Variants in XYLB observed in about 807,000 individuals in gnomAD.
XYLB encodes the protein xylulose kinase.
XYLB carries 62 observed loss-of-function variants against 78.7 expected under a neutral mutation model. That is an observed-to-expected ratio of 0.79 (90% CI 0.64 to 0.97). XYLB has a LOEUF of 0.97. XYLB is among the 50% of genes least tolerant of loss of function. The pLI is 0.00. For synonymous variants in XYLB, 245 were observed against 247.4 expected (o/e 0.99, Z 0.09); for missense variants, 687 against 676.8 (o/e 1.02, Z -0.17).
Position 38,395,550 on chromosome 3 carries a change from G to A in XYLB, c.1337G>A (p.Arg446Lys), listed in dbSNP as rs190635272. Residue 446 changes from arginine to lysine, a missense_variant, in exon 16 of 19, where the codon AGA becomes AAA. Transcript: ENST00000207870. ...GCCACAGGAGGAGCATCTCACAATAGAGAAATCTTACAGGTAAGCGTTAGT... is the reference window on the plus strand; with the variant it reads ...GCCACAGGAGGAGCATCTCACAATAAAGAAATCTTACAGGTAAGCGTTAGT... ...ILATGGASHN[R>K]EILQVLADVF... The A allele has an allele frequency of 9.3e-6, 15 of 1,614,084 alleles. No homozygotes were observed. The highest frequency in any genetic ancestry group is 1.3e-5 in the African/African-American group (1 of 74,928).
In XYLB at chr3:38,368,820, AAGGGGTGAACACC is replaced by A. The variant is rs1706393871; in HGVS notation, c.646+567_646+579del. On this transcript the variant is annotated intron_variant, in intron 8 of 18. Coordinates refer to ENST00000207870, the MANE Select transcript of XYLB (RefSeq NM_005108.4). ...AGTATAATGTTGGGGAGAACCTCAC[AAGGGGTGAACACC>A]AGGAGGTGGGGATCAGTAGGGGACG... Among the ~76,000 whole-genome samples the A allele has an allele frequency of 3.5e-5, 5 of 143,292 alleles. No homozygotes were observed. The South Asian group carries it at 1.2e-3, about 35-fold the overall frequency. 94.0% of individuals were successfully genotyped at this position (143,292 alleles called of 152,430 possible).
chr3:38,374,973 C>T (rs1475310782), intron 11 of XYLB, among the ~76,000 whole-genome samples, 171 bp from the exon 12 acceptor site: 2 of 152,214 alleles, frequency 1.3e-5, no homozygotes, highest in Non-Finnish European at 2.9e-5. Flanking sequence ...ACTCCTGGCT[C>T]ATCTGGTATG....
chr3:38,412,907 G>C, intron 18 of XYLB, 29 bp from the exon 19 acceptor site: 1 of 1,594,504 alleles, frequency 6.3e-7, no homozygotes, highest in Non-Finnish European at 8.6e-7. Context: ...TTCCCCCTCT[G>C]TTCTAAACTG....
chr3:38,382,307 C>T (rs1470135084), intron 15 of XYLB, among the ~76,000 whole-genome samples: 1 of 151,868 alleles, frequency 6.6e-6, no homozygotes, highest in African/African-American at 2.4e-5. Flanking sequence ...GAGACCCTGT[C>T]TCAAAAAAAA....
chr3:38,395,484 C>CT, intron 15 of XYLB, 21 bp from the exon 16 acceptor site: 1 of 1,613,840 alleles, frequency 6.2e-7, no homozygotes, highest in African/African-American at 1.3e-5. Flanking sequence ...AGCTATTTTA[C>CT]TTTTTTCTTT....
the XYLB span, among the ~76,000 whole-genome samples, chr3:38,438,695 A>G: frequency 6.6e-6 from 1 of 152,216 alleles, no homozygotes; most frequent in East Asian, 1.9e-4. Context: ...TGTGAAGAGC[A>G]AAAGAACAAA....
In XYLB at chr3:38,376,906, G is replaced by A. The variant is rs1706886137; in HGVS notation, c.1121-12G>A. On this transcript the variant is annotated splice_polypyrimidine_tract_variant and intron_variant, in intron 13 of 18. Coordinates refer to ENST00000207870, the MANE Select transcript of XYLB (RefSeq NM_005108.4). ...ACTAATGACGGCTGATCTCTTCCTG[G>A]TTTTATTTCAGGTTTTTATTTTGAT... 1 of 1,611,974 alleles carries A rather than the reference G, an allele frequency of 6.2e-7. No individual in the cohort carries two copies.
At position 38,362,981 on chromosome 3, in the gene XYLB, C is replaced by T. The variant is rs17118; in HGVS notation, c.255C>T (p.Asp85=). The change falls in exon 4 of 19, where the codon GAC becomes GAT. Residue 85 remains aspartate, a synonymous_variant. Transcript: ENST00000207870. ...ILEKMKASGF[D]FSQVLALSGA... is the part of the protein sequence containing the mutation. ...AGAAGATGAAGGCTTCGGGCTTCGA[C>T]TTCTCTCAAGTCCTAGCCTTGTCCG... The T allele has an allele frequency of 6.4e-7, 1 of 1,573,596 alleles. No individual in the cohort carries two copies. The highest frequency in any genetic ancestry group is 8.6e-7 in the Non-Finnish European group (1 of 1,158,784).
the XYLB span, among the ~76,000 whole-genome samples, chr3:38,450,694 A>T: frequency 1.3e-5 from 2 of 152,304 alleles, no homozygotes; most frequent in Admixed American, 6.5e-5. Flanking sequence ...CACCTTTCTC[A>T]ACCAGCCTAG....
chr3:38,412,373 A>G (rs966634642), intron 18 of XYLB, among the ~76,000 whole-genome samples: 1 of 152,156 alleles, frequency 6.6e-6, no homozygotes, highest in Admixed American at 6.5e-5. Context: ...GAACTGCTGT[A>G]TGGACTGCTA....
chr3:38,405,456 G>A (rs1010155782), intron 18 of XYLB, among the ~76,000 whole-genome samples: 6 of 149,360 alleles, frequency 4.0e-5, no homozygotes, highest in Non-Finnish European at 8.9e-5. Flanking sequence ...CATGAGCAAC[G>A]CAGAAGACGG....
At chr3:38,394,091 A>C (rs921447836) in intron 15 of XYLB, among the ~76,000 whole-genome samples, 2 of 152,196 alleles carry the variant, frequency 1.3e-5, no homozygotes, top group African/African-American at 4.8e-5. Flanking sequence ...TTTAGGTTGA[A>C]TAGGATGTAT....
intron 1 of XYLB, among the ~76,000 whole-genome samples, chr3:38,347,382 T>A (rs509627): frequency 0.2 from 30,669 of 152,152 alleles, 3,741 homozygotes; most frequent in Non-Finnish European, 0.27. Flanking sequence ...AACCTTTTTT[T>A]AAAAATTGAA....
Position 38,375,302 on chromosome 3 carries a change from G to A in XYLB, c.1004+43G>A, listed in dbSNP as rs1337110420. On this transcript the variant is annotated intron_variant, in intron 12 of 18. Transcript: ENST00000207870. Reference sequence around the variant, plus strand: ...TTGGCACCATTCCCTGGGTGAGGAGGTGTGGGCAGGTCTGGCACCATCTTG... The same window carrying A: ...TTGGCACCATTCCCTGGGTGAGGAGATGTGGGCAGGTCTGGCACCATCTTG... 2.6e-6 allele frequency: 4 copies of A among 1,560,934 alleles called. No homozygotes were observed. In the African/African-American group the frequency reaches 4.1e-5, roughly 16 times the overall value.
At chr3:38,376,856 TAAG>T in intron 13 of XYLB, 59 bp from the exon 14 acceptor site, 1 of 1,473,462 alleles carries the variant, frequency 6.8e-7, no homozygotes, top group South Asian at 1.2e-5. Context: ...CTAAGTCTGT[TAAG>T]AAGCTGATCT....
chr3:38,367,141 TGAG>T (rs2125585388), intron 7 of XYLB, among the ~76,000 whole-genome samples: 1 of 152,310 alleles, frequency 6.6e-6, no homozygotes, highest in Admixed American at 6.5e-5. Flanking sequence ...GACGTGTTCC[TGAG>T]GCCACCTGAA....
intron 15 of XYLB, among the ~76,000 whole-genome samples, chr3:38,383,381 C>T (rs1054961132): frequency 6.6e-6 from 1 of 152,136 alleles, no homozygotes; most frequent in Non-Finnish European, 1.5e-5. Context: ...ATGATAGAAA[C>T]CAGCTGGGCA....
At position 38,412,983 on chromosome 3, in the gene XYLB, C is replaced by T. The variant is rs1484168279; in HGVS notation, c.1581C>T (p.Ile527=). The T allele has an allele frequency of 6.2e-7, 1 of 1,604,208 alleles. No homozygotes were observed. The highest frequency in any genetic ancestry group is 1.3e-5 in the African/African-American group (1 of 74,124). ...AGTATGCCAAACTCGAGCAGAGAAT[C>T]TTGTCTCAGACCCGGGGGCCTCCGG... is the stretch of plus-strand genomic sequence containing the variant. The part of the protein sequence containing the change: ...LPQYAKLEQR[I]LSQTRGPPE The change falls in exon 19 of 19, where the codon ATC becomes ATT. Residue 527 remains isoleucine (I), a synonymous_variant. Transcript: ENST00000207870.
intron 9 of XYLB, 172 bp from the exon 10 acceptor site, chr3:38,372,483 G>T (rs1706619513): frequency 1.0e-6 from 1 of 985,242 alleles, no homozygotes; most frequent in Non-Finnish European, 1.2e-6. Context: ...GAACAGGAGG[G>T]ACATGCCCAG....
Sources: gnomAD v4.1 joint callset for allele counts (sites outside exome capture counted in the v4.1 genomes callset) on GRCh38, gnomAD v4.1.1 for gene constraint, MANE v1.5 for transcripts, NCBI Gene and HGNC (gene_info 2026-07-23, HGNC 2026-07-21) for gene names.